LRP1: variants seen among roughly 807,000 people sequenced by gnomAD.
The protein encoded by LRP1 is LDL receptor related protein 1, also known as prolow-density lipoprotein receptor-related protein 1.
Under a neutral mutation model 541.5 loss-of-function variants are expected in LRP1, and 51 were observed. The observed-to-expected ratio is 0.09, with a 90% CI of 0.08 to 0.12. The LOEUF (loss-of-function observed/expected upper bound fraction) is 0.12, where lower values mean the gene tolerates loss of function less well. Ranked by LOEUF, LRP1 falls within the 10% of genes least tolerant of loss-of-function variation. The pLI, the probability that LRP1 is intolerant of heterozygous loss-of-function variation, is 1.00. For synonymous variants in LRP1, 2,219 were observed against 2,470.8 expected (o/e 0.90, Z 3.02); for missense variants, 3,878 against 6,376.2 (o/e 0.61, Z 13.34).
At position 57,145,490 on chromosome 12, in the gene LRP1, C is replaced by T. The variant is rs759623835; in HGVS notation, c.841C>T (p.His281Tyr). ...HTINISLSLHHVEQMAIDWLT... is the reference protein window; with the variant it reads ...HTINISLSLHYVEQMAIDWLT... Reference sequence around the variant, plus strand: ...CATCAACATCTCCCTCAGTCTGCACCGTGAGTCACCTGCTCTCAGCTTGGA... The same window carrying T: ...CATCAACATCTCCCTCAGTCTGCACTGTGAGTCACCTGCTCTCAGCTTGGA... Residue 281 changes from histidine (H) to tyrosine (Y), a missense_variant and splice_region_variant, in exon 6 of 89, where the codon CAC becomes TAC. Around this residue, in one of 13 missense-constraint regions of LRP1, gnomAD observed 293 missense variants for 403.7 expected, o/e 0.73. Transcript: ENST00000243077. 6.8e-6 allele frequency: 11 copies of T among 1,612,032 alleles called. No homozygotes were observed. The highest frequency in any genetic ancestry group is 2.2e-5 in the East Asian group (1 of 44,826).
chr12:57,199,926 C>T lies in LRP1; in HGVS notation c.9915C>T (p.Cys3305=). Residue 3305 remains cysteine, a synonymous_variant, in exon 62 of 89, where the codon TGC becomes TGT. Transcript: ENST00000243077. ...KVNNGGCSNL[C]LLSPGGGHKC... ...ACAATGGTGGCTGCAGCAACCTGTG[C>T]CTGCTGTCCCCCGGGGGAGGGCACA... The T allele has an allele frequency of 6.3e-7, 1 of 1,596,788 alleles. No individual in the cohort carries two copies. Among genetic ancestry groups the T allele is most frequent in the Non-Finnish European group, 8.5e-7 (1 of 1,173,768 alleles).
chr12:57,134,383 C>T (rs946523814), intron 1 of LRP1, among the ~76,000 whole-genome samples: 62 of 152,142 alleles, frequency 4.1e-4, no homozygotes, highest in Non-Finnish European at 8.4e-4. Flanking sequence ...CCTTAAAATC[C>T]TCTCCCCACT....
chr12:57,209,264 G>A, intron 79 of LRP1, 65 bp downstream of exon 79: 1 of 1,300,030 alleles, frequency 7.7e-7, no homozygotes. Context: ...TCCCTACTGA[G>A]CCAAAGGCCT....
chr12:57,172,333 C>A (rs921941562), intron 20 of LRP1, among the ~76,000 whole-genome samples: 8 of 152,168 alleles, frequency 5.3e-5, no homozygotes, highest in African/African-American at 1.2e-4. Context: ...CCACGCCTGG[C>A]TAATTTTTTG....
intron 63 of LRP1, 45 bp downstream of exon 63, chr12:57,200,580 G>A: frequency 7.0e-6 from 11 of 1,581,730 alleles, no homozygotes; most frequent in Non-Finnish European, 9.6e-6. Context: ...AGCTGTGTCG[G>A]AGGCCTGACT....
chr12:57,129,120 G>C, intron 1 of LRP1, 89 bp downstream of exon 1: 1 of 1,343,926 alleles, frequency 7.4e-7, no homozygotes, highest in Non-Finnish European at 1.0e-6. Flanking sequence ...AGGGAGACGC[G>C]GGAGGGGGTG....
chr12:57,197,725 G>A lies in LRP1; in HGVS notation c.9282+61G>A, dbSNP rs998290428. 11 of 1,589,640 alleles carry A rather than the reference G, an allele frequency of 6.9e-6. No homozygotes were observed. Among genetic ancestry groups the A allele is most frequent in the Middle Eastern group, 2.1e-4 (1 of 4,764 alleles). On this transcript the variant is annotated intron_variant, in intron 58 of 88. Transcript: ENST00000243077. This position sits in a 1 kb window ranked among gnomAD's most constrained non-coding sequence, Gnocchi z 4.5. ...CGCCTCAGATGACTGTTTTCAGATCGTCTCTCCTTCCCGCCCCACCAACCC... is the reference window on the plus strand; with the variant it reads ...CGCCTCAGATGACTGTTTTCAGATCATCTCTCCTTCCCGCCCCACCAACCC...
intron 34 of LRP1, 68 bp downstream of exon 34, chr12:57,181,359 C>T: frequency 6.5e-7 from 1 of 1,531,320 alleles, no homozygotes; most frequent in East Asian, 2.3e-5. Flanking sequence ...ACCCTACAGC[C>T]CCACCTTCCT....
In LRP1 at chr12:57,211,627, G is replaced by A. The variant is rs746306900; in HGVS notation, c.13193+39G>A. ...GGGCTTCACCCAGGCATAGATCATCGCTCCCTTCCCCAGATTTGAGCAGGA... is the reference window on the plus strand; with the variant it reads ...GGGCTTCACCCAGGCATAGATCATCACTCCCTTCCCCAGATTTGAGCAGGA... On this transcript the variant is annotated intron_variant, in intron 85 of 88. Coordinates refer to ENST00000243077, the MANE Select transcript of LRP1 (RefSeq NM_002332.3). The surrounding 1 kb of genome is among the most constrained non-coding windows in gnomAD (Gnocchi z 4.3). 17 of 1,607,824 alleles carry A rather than the reference G, an allele frequency of 1.1e-5. No individual in the cohort carries two copies. Among genetic ancestry groups the A allele is most frequent in the East Asian group, 4.5e-5 (2 of 44,808 alleles).
chr12:57,204,396 C>G lies in LRP1; in HGVS notation c.10952-14C>G. 1 of 1,514,202 alleles carries G rather than the reference C, an allele frequency of 6.6e-7. No homozygotes were observed. The highest frequency in any genetic ancestry group is 8.8e-7 in the Non-Finnish European group (1 of 1,130,074). The allele number at this position is 1,514,202 out of a possible 1,614,324, so 93.8% of individuals were successfully genotyped here. A position where few individuals can be genotyped will look rare whatever the true frequency, so the allele number is the denominator to read the frequency against. ...TCATGGCTCATTCTATCTCTTGGCT[C>G]CCCCTGGCACCAGTGCGGACCTGCC... On this transcript the variant is annotated splice_polypyrimidine_tract_variant and intron_variant, in intron 70 of 88. Transcript: ENST00000243077. This position sits in a 1 kb window ranked among gnomAD's most constrained non-coding sequence, Gnocchi z 5.3.
rs2035667579 is a variant in LRP1, at chr12:57,158,558, T to C, written c.1718T>C (p.Ile573Thr). ...GACTTCCACGCTGAGACCGGCTTCA[T>C]CTACTTTGCCGACACCACCAGCTAC... The part of the protein sequence containing the change: ...ALDFHAETGF[I>T]YFADTTSYLI... The change falls in exon 11 of 89, where the codon ATC becomes ACC. Residue 573 changes from isoleucine to threonine, a missense_variant. Coordinates refer to ENST00000243077, the MANE Select transcript of LRP1 (RefSeq NM_002332.3). This position sits in a 1 kb window ranked among gnomAD's most constrained non-coding sequence, Gnocchi z 5.3. 1 of 1,614,048 alleles carries C rather than the reference T, an allele frequency of 6.2e-7. No individual in the cohort carries two copies. Among genetic ancestry groups the C allele is most frequent in the African/African-American group, 1.3e-5 (1 of 74,918 alleles).
chr12:57,163,983 C>T (rs531438684), intron 15 of LRP1, among the ~76,000 whole-genome samples: 303 of 152,210 alleles, frequency 2.0e-3, no homozygotes, highest in African/African-American at 7.0e-3. Flanking sequence ...CCAGCCTGGC[C>T]AACATGGTGA....
At position 57,197,662 on chromosome 12, in the gene LRP1, C is replaced by A; in HGVS notation, c.9280C>A (p.Gln3094Lys). The A allele has an allele frequency of 6.2e-7, 1 of 1,613,394 alleles. No homozygotes were observed. Among genetic ancestry groups the A allele is most frequent in the Non-Finnish European group, 8.5e-7 (1 of 1,179,796 alleles). The change falls in exon 58 of 89, where the codon CAG becomes AAG. Residue 3094 changes from glutamine to lysine, a missense_variant and splice_region_variant. Coordinates refer to ENST00000243077, the MANE Select transcript of LRP1 (RefSeq NM_002332.3). This position sits in a 1 kb window ranked among gnomAD's most constrained non-coding sequence, Gnocchi z 4.5. ...GATGCACCTTAACGGGAGCAATGTG[C>A]AGGTGAGGCGGGCGGCCCTCGGCGA... ...RRMHLNGSNV[Q>K]VLHRTGLSNP...
chr12:57,180,958 G>T, intron 33 of LRP1, 151 bp downstream of exon 33: 3 of 1,250,002 alleles, frequency 2.4e-6, no homozygotes, highest in Non-Finnish European at 3.3e-6. Context: ...CCACAAAGGC[G>T]CCTTGTAGGC....
At chr12:57,193,739 C>T (rs938278808) in intron 47 of LRP1, 54 bp downstream of exon 47, 175 of 1,613,546 alleles carry the variant, frequency 1.1e-4, no homozygotes, top group Non-Finnish European at 1.4e-4. Context: ...TGCCCCACCC[C>T]TCCCTGGCCA....
chr12:57,136,407 C>G (rs949535646), intron 1 of LRP1, among the ~76,000 whole-genome samples: 2 of 145,610 alleles, frequency 1.4e-5, no homozygotes, highest in Non-Finnish European at 3.1e-5. Flanking sequence ...CCCCCCCCCC[C>G]GCCATTTTCC....
chr12:57,183,654 C>T lies in LRP1; in HGVS notation c.5795-121C>T, dbSNP rs2036210844. 7.4e-6 allele frequency: 11 copies of T among 1,489,964 alleles called. No individual in the cohort carries two copies. In the South Asian group the frequency reaches 1.0e-4, roughly 14 times the overall value. 92.3% of individuals were successfully genotyped at this position (1,489,964 alleles called of 1,614,324 possible). A position where few individuals can be genotyped will look rare whatever the true frequency, so the allele number is the denominator to read the frequency against. ...ACAGCTGCCACCCTGACTCCACCTC[C>T]CCTTCAAGCACCTGGCCCCTCCGGC... On this transcript the variant is annotated intron_variant, in intron 35 of 88. Coordinates refer to ENST00000243077, the MANE Select transcript of LRP1 (RefSeq NM_002332.3). This position sits in a 1 kb window ranked among gnomAD's most constrained non-coding sequence, Gnocchi z 6.1.
chr12:57,203,853 C>G lies in LRP1; in HGVS notation c.10951+332C>G, dbSNP rs1041830517. ...GTCCCTCCGAGACAGTCTGCTGCCACAAGAAGAAAAGCCCTGCCTATTTTC... is the reference window on the plus strand; with the variant it reads ...GTCCCTCCGAGACAGTCTGCTGCCAGAAGAAGAAAAGCCCTGCCTATTTTC... On this transcript the variant is annotated intron_variant, in intron 70 of 88. Transcript: ENST00000243077. 20 of 304,370 alleles carry G rather than the reference C, an allele frequency of 6.6e-5. No homozygotes were observed. In the East Asian group the frequency reaches 1.2e-3, roughly 18 times the overall value. 18.9% of individuals were successfully genotyped at this position (304,370 alleles called of 1,614,324 possible).
Position 57,169,213 on chromosome 12 carries a change from C to G in LRP1, c.3069C>G (p.Asn1023Lys), listed in dbSNP as rs767345774. Residue 1023 changes from asparagine to lysine, a missense_variant, in exon 20 of 89, where the codon AAC becomes AAG. This residue lies in a region of LRP1 where 320 missense variants were observed against 547.9 expected (regional missense o/e 0.58). Coordinates refer to ENST00000243077, the MANE Select transcript of LRP1 (RefSeq NM_002332.3). ...GTTCTAGCACCCAGTTCAAGTGCAA[C>G]AGCGGGCGTTGCATCCCCGAGCACT... ...HSCSSTQFKC[N>K]SGRCIPEHWT... 3 of 1,614,080 alleles carry G rather than the reference C, an allele frequency of 1.9e-6. No homozygotes were observed. Among genetic ancestry groups the G allele is most frequent in the Non-Finnish European group, 8.5e-7 (1 of 1,179,990 alleles).
Sources: allele counts gnomAD v4.1 joint callset (sites outside exome capture counted in the v4.1 genomes callset), GRCh38; gene constraint gnomAD v4.1.1; regional missense constraint gnomAD v4.1.1; non-coding constraint Gnocchi (gnomAD v3.1); transcripts MANE v1.5; gene names NCBI Gene and HGNC (gene_info 2026-07-23, HGNC 2026-07-21).